The following RFX4 variants were observed in gnomAD, a reference collection of about 807,000 sequenced individuals.
RFX4 encodes transcription factor RFX4.
RFX4 carries 10 observed loss-of-function variants against 95.0 expected under a neutral mutation model. That is an observed-to-expected ratio of 0.11 (90% CI 0.06 to 0.18). RFX4 has a LOEUF of 0.18. RFX4 is among the 10% of genes least tolerant of loss of function. The probability of loss-of-function intolerance (pLI) is 1.00; values close to 1 mark genes in which losing one functional copy is unlikely to be tolerated. For missense variants in RFX4, 640 were observed against 922.0 expected (o/e 0.69, Z 3.96); for synonymous variants, 321 against 340.7 (o/e 0.94, Z 0.64).
rs540801384 is a variant in RFX4 at position 106,743,969 on chromosome 12, G to A, written c.1634-3468G>A. Among the ~76,000 whole-genome samples, 11 of 152,064 alleles carry A rather than the reference G, an allele frequency of 7.2e-5. No homozygotes were observed. The South Asian group carries it at 2.1e-3, about 29-fold the overall frequency. ...AATGTATTAATGTTTTTCTTTTTAC[G>A]GAGGCAATACACATTCTTTACAGAA... On this transcript the variant is annotated intron_variant, in intron 15 of 17. Coordinates refer to ENST00000392842, the MANE Select transcript of RFX4 (RefSeq NM_213594.3).
intron 7 of RFX4, among the ~76,000 whole-genome samples, chr12:106,691,375 C>T (rs1471188681): frequency 6.6e-6 from 1 of 152,234 alleles, no homozygotes; most frequent in African/African-American, 2.4e-5. Context: ...AAAGGTGTGA[C>T]AAGGTCCTTC....
chr12:106,590,894 C>T (rs74541598), intron 1 of RFX4, among the ~76,000 whole-genome samples: 15,312 of 151,996 alleles, frequency 0.1, 932 homozygotes, highest in Non-Finnish European at 0.12. Context: ...CTGTACTGAG[C>T]TCTGATCACA....
At chr12:106,622,181 C>G (rs1032546712) in intron 2 of RFX4, among the ~76,000 whole-genome samples, 10 of 151,934 alleles carry the variant, frequency 6.6e-5, no homozygotes, top group African/African-American at 2.2e-4. Context: ...AAAGAAGTTT[C>G]AGTTCACATT....
At chr12:106,664,011 G>T (rs1021783218) in intron 4 of RFX4, among the ~76,000 whole-genome samples, 14 of 151,714 alleles carry the variant, frequency 9.2e-5, no homozygotes, top group Non-Finnish European at 1.8e-4. Context: ...TGGGAAATTG[G>T]TGTGTAACTT....
At chr12:106,708,531 A>G (rs2042131456) in intron 8 of RFX4, among the ~76,000 whole-genome samples, 1 of 152,010 alleles carries the variant, frequency 6.6e-6, no homozygotes, top group African/African-American at 2.4e-5. Flanking sequence ...GTCTGACAGG[A>G]GACAGTGGGT....
intron 5 of RFX4, chr12:106,684,669 C>G (rs1006741239): frequency 1.1e-5 from 16 of 1,449,814 alleles, no homozygotes; most frequent in Admixed American, 5.3e-5. Context: ...CCTGAAGCCA[C>G]CGGAACCATG....
At chr12:106,647,885 TA>T (rs2040778236) in intron 3 of RFX4, among the ~76,000 whole-genome samples, 1 of 152,258 alleles carries the variant, frequency 6.6e-6, no homozygotes, top group African/African-American at 2.4e-5. Context: ...AGAGTTCAAG[TA>T]ACGTGCCCCA....
intron 1 of RFX4, chr12:106,585,730 A>G (rs943047551): frequency 6.6e-6 from 1 of 152,178 alleles, no homozygotes; most frequent in South Asian, 2.1e-4. Flanking sequence ...TATTGCTGTT[A>G]TTATATCATT....
intron 1 of RFX4, among the ~76,000 whole-genome samples, chr12:106,604,283 G>A (rs370270719): frequency 5.3e-4 from 81 of 151,912 alleles, no homozygotes; most frequent in African/African-American, 1.8e-3. Context: ...GCCCACACCC[G>A]GCTAATTTTT....
At chr12:106,713,271 G>T (rs1311096195) in intron 10 of RFX4, among the ~76,000 whole-genome samples, 1 of 152,200 alleles carries the variant, frequency 6.6e-6, no homozygotes, top group Non-Finnish European at 1.5e-5. Flanking sequence ...GGCTCTTTCA[G>T]ATACACCAGG....
intron 3 of RFX4, among the ~76,000 whole-genome samples, chr12:106,640,691 G>C (rs1592883839): frequency 6.6e-6 from 1 of 151,626 alleles, no homozygotes; most frequent in African/African-American, 2.4e-5. Context: ...GGCCATGCAA[G>C]TTCCCATAGT....
chr12:106,750,524 T>G (rs886314289), intron 16 of RFX4, 131 bp from the exon 17 acceptor site: 1,802 of 692,154 alleles, frequency 2.6e-3, no homozygotes, highest in Middle Eastern at 0.024. Flanking sequence ...GGATTGGGGG[T>G]GAAGGGGGGA....
At chr12:106,617,608 A>G (rs912462804) in intron 2 of RFX4, among the ~76,000 whole-genome samples, 2 of 152,194 alleles carry the variant, frequency 1.3e-5, no homozygotes, top group Admixed American at 6.5e-5. Flanking sequence ...ATTCTGTATT[A>G]TTTCAAAATT....
chr12:106,590,427 T>C (rs142917781), intron 1 of RFX4, among the ~76,000 whole-genome samples: 5 of 152,278 alleles, frequency 3.3e-5, no homozygotes, highest in African/African-American at 9.6e-5. Context: ...ACAGTTTAAA[T>C]AGAGAAACCA....
In RFX4 at chr12:106,654,229, C is replaced by T; in HGVS notation, c.193C>T (p.Leu65=). 1 of 1,613,928 alleles carries T rather than the reference C, an allele frequency of 6.2e-7. No homozygotes were observed. Among genetic ancestry groups the T allele is most frequent in the Non-Finnish European group, 8.5e-7 (1 of 1,179,882 alleles). The change falls in exon 4 of 18, where the codon CTG becomes TTG. Residue 65 remains leucine (L), a splice_region_variant and synonymous_variant. Coordinates refer to ENST00000392842, the MANE Select transcript of RFX4 (RefSeq NM_213594.3). ...PHSTPATLQW[L]EENYEIAEGV... is the part of the protein sequence containing the mutation. ...CTCATTGGGCGTTTATTTCCCTAGG[C>T]TGGAGGAGAACTATGAGATTGCAGA...
At chr12:106,601,235 C>A in intron 1 of RFX4, 1 of 1,555,706 alleles carries the variant, frequency 6.4e-7, no homozygotes, top group South Asian at 1.2e-5. Flanking sequence ...CCACTGCCAC[C>A]GGCAGGGAGC....
intron 7 of RFX4, among the ~76,000 whole-genome samples, chr12:106,695,881 C>A (rs2137448392): frequency 6.6e-6 from 1 of 152,304 alleles, no homozygotes; most frequent in Non-Finnish European, 1.5e-5. Flanking sequence ...ACCCAGGGGC[C>A]CCTGAGGTTC....
At chr12:106,614,375 G>T (rs985906206) in intron 2 of RFX4, among the ~76,000 whole-genome samples, 1 of 151,890 alleles carries the variant, frequency 6.6e-6, no homozygotes, top group African/African-American at 2.4e-5. Flanking sequence ...TGGCCAGGCT[G>T]GTCTCGAACT....
chr12:106,678,726 TTC>T (rs1000935660), intron 4 of RFX4, among the ~76,000 whole-genome samples: 10 of 152,228 alleles, frequency 6.6e-5, no homozygotes, highest in Admixed American at 5.2e-4. Context: ...TTACAAACAA[TTC>T]TCTGTTATAA....
Sources: gnomAD v4.1 joint callset for allele counts (sites outside exome capture counted in the v4.1 genomes callset) on GRCh38, gnomAD v4.1.1 for gene constraint, MANE v1.5 for transcripts, NCBI Gene and HGNC (gene_info 2026-07-23, HGNC 2026-07-21) for gene names.